The following CPED1 variants were observed in gnomAD, a reference collection of about 807,000 sequenced individuals.
CPED1 encodes cadherin-like and PC-esterase domain-containing protein 1.
A neutral mutation model predicts 128.2 loss-of-function variants in CPED1; 114 were observed. That is an observed-to-expected ratio of 0.89 (90% CI 0.76 to 1.04). The LOEUF is 1.04. Among genes scored for constraint, CPED1 ranks in the 50% least tolerant of loss-of-function variants. The probability of loss-of-function intolerance (pLI) is 0.00; values close to 1 mark genes in which losing one functional copy is unlikely to be tolerated. For missense variants in CPED1, 1,211 were observed against 1,207.1 expected (o/e 1.00, Z -0.05); for synonymous variants, 462 against 426.7 (o/e 1.08, Z -1.02).
At chr7:121,072,918 A>T (rs2192291) in intron 5 of CPED1, among the ~76,000 whole-genome samples, 67,247 of 152,018 alleles carry the variant, frequency 0.44, 15,277 homozygotes, top group East Asian at 0.61. Flanking sequence ...GCTAAGATAG[A>T]TTTACACTAT....
intron 19 of CPED1, 92 bp downstream of exon 19, chr7:121,266,539 A>T (rs1792128202): frequency 1.6e-6 from 2 of 1,243,198 alleles, no homozygotes; most frequent in Non-Finnish European, 2.4e-6. Context: ...CTGTACATCA[A>T]ATGTGCTCAA....
rs548398995 is a variant in CPED1 at position 121,206,094 on chromosome 7, C to T, written c.2056-30620C>T. On this transcript the variant is annotated intron_variant, in intron 16 of 22. Transcript: ENST00000310396. ...TTCTGCCTTGAAATTTAAGTTATGTCAACATTCAAAGAGTTTCAACTGCTA... is the reference window on the plus strand; with the variant it reads ...TTCTGCCTTGAAATTTAAGTTATGTTAACATTCAAAGAGTTTCAACTGCTA... Among the ~76,000 whole-genome samples, 11 of 152,036 alleles carry T rather than the reference C, an allele frequency of 7.2e-5. No individual in the cohort carries two copies. In the South Asian group the frequency reaches 1.5e-3, roughly 20 times the overall value.
chr7:120,996,477 C>T (rs1434096455), intron 2 of CPED1, among the ~76,000 whole-genome samples: 1 of 152,080 alleles, frequency 6.6e-6, no homozygotes, highest in African/African-American at 2.4e-5. Context: ...TTAGTCTCAA[C>T]CAGCTTGCAT....
intron 7 of CPED1, among the ~76,000 whole-genome samples, chr7:121,120,645 A>G (rs1471705459): frequency 6.6e-6 from 1 of 152,164 alleles, no homozygotes; most frequent in Non-Finnish European, 1.5e-5. Flanking sequence ...TAAATCTTTC[A>G]TCCTCCATTC....
At chr7:121,286,121 A>C (rs1185888380) in intron 22 of CPED1, among the ~76,000 whole-genome samples, 1 of 152,180 alleles carries the variant, frequency 6.6e-6, no homozygotes, top group Non-Finnish European at 1.5e-5. Flanking sequence ...GGAGAAGTGC[A>C]TGGTGAAGCA....
intron 22 of CPED1, among the ~76,000 whole-genome samples, chr7:121,272,117 A>G (rs1792244238): frequency 1.3e-5 from 2 of 152,062 alleles, no homozygotes; most frequent in South Asian, 2.1e-4. Flanking sequence ...TATCACATCA[A>G]TACTAAAATT....
rs533613774 is a variant in CPED1 at position 121,051,351 on chromosome 7, AT to A, written c.540+4364del. On this transcript the variant is annotated intron_variant, in intron 4 of 22. Coordinates refer to ENST00000310396, the MANE Select transcript of CPED1 (RefSeq NM_024913.5). ...GAAGGAGGGAATCCCACCTCCTCCCATTTTTTAAATGTAAATGCCTTTTTTT... is the reference window on the plus strand; with the variant it reads ...GAAGGAGGGAATCCCACCTCCTCCCATTTTTAAATGTAAATGCCTTTTTTT... 6.5e-4 allele frequency: 271 copies of A among 418,910 alleles called. 1 individual carries two copies. The highest frequency in any genetic ancestry group is 5.9e-3 in the African/African-American group (248 of 41,732). The allele number at this position is 418,910 out of a possible 1,614,324, so 25.9% of individuals were successfully genotyped here.
intron 3 of CPED1, among the ~76,000 whole-genome samples, chr7:121,029,154 C>A (rs983569219): frequency 6.6e-6 from 1 of 152,038 alleles, no homozygotes; most frequent in Admixed American, 6.6e-5. Context: ...GTAAATAATG[C>A]AATCATAACA....
intron 18 of CPED1, among the ~76,000 whole-genome samples, chr7:121,261,426 T>C (rs1250037298): frequency 6.6e-6 from 1 of 152,054 alleles, no homozygotes; most frequent in Non-Finnish European, 1.5e-5. Flanking sequence ...TGTAAGAGAA[T>C]GTAGTAGAGA....
intron 16 of CPED1, among the ~76,000 whole-genome samples, chr7:121,208,912 A>G (rs1054177480): frequency 1.3e-5 from 2 of 152,030 alleles, no homozygotes; most frequent in East Asian, 3.9e-4. Flanking sequence ...GTGCAGGAAA[A>G]TTGCTATAAA....
At chr7:121,043,910 T>C (rs559219610) in intron 3 of CPED1, among the ~76,000 whole-genome samples, 3 of 152,360 alleles carry the variant, frequency 2.0e-5, no homozygotes, top group Non-Finnish European at 2.9e-5. Context: ...TGCTTTTAGT[T>C]TGCAATCTCT....
chr7:121,258,466 G>C (rs1185211582), intron 18 of CPED1, among the ~76,000 whole-genome samples: 2 of 152,118 alleles, frequency 1.3e-5, no homozygotes, highest in African/African-American at 2.4e-5. Context: ...AGTGGTGTTT[G>C]CAGTGAAAGG....
intron 16 of CPED1, among the ~76,000 whole-genome samples, chr7:121,156,081 A>T (rs1305703360): frequency 6.6e-6 from 1 of 152,244 alleles, no homozygotes; most frequent in African/African-American, 2.4e-5. Context: ...GCCAACAAGG[A>T]TGTGAAAAAA....
intron 18 of CPED1, among the ~76,000 whole-genome samples, chr7:121,260,315 A>G (rs1339954151): frequency 1.4e-5 from 2 of 147,544 alleles, no homozygotes; most frequent in Non-Finnish European, 3.0e-5. Flanking sequence ...GACTGCAAAC[A>G]TCAATTTGGC....
At chr7:121,004,884 C>G (rs1791965347) in intron 2 of CPED1, among the ~76,000 whole-genome samples, 1 of 152,112 alleles carries the variant, frequency 6.6e-6, no homozygotes, top group African/African-American at 2.4e-5. Context: ...AACAAATGGA[C>G]TAATTTCTGG....
At chr7:121,043,429 G>A (rs937735376) in intron 3 of CPED1, among the ~76,000 whole-genome samples, 1 of 152,130 alleles carries the variant, frequency 6.6e-6, no homozygotes, top group African/African-American at 2.4e-5. Context: ...AGATCAAAGG[G>A]TATATTCAAA....
intron 7 of CPED1, among the ~76,000 whole-genome samples, chr7:121,122,521 A>G (rs542655383): frequency 6.6e-6 from 1 of 152,292 alleles, no homozygotes; most frequent in African/African-American, 2.4e-5. Context: ...TTCCTTATGT[A>G]CATTCTGTCA....
At chr7:121,000,921 T>A (rs1178953618) in intron 2 of CPED1, among the ~76,000 whole-genome samples, 2 of 152,106 alleles carry the variant, frequency 1.3e-5, no homozygotes, top group Non-Finnish European at 2.9e-5. Context: ...TGAATAAAAA[T>A]CATATGTTTG....
chr7:121,189,532 A>G (rs1797079222), intron 16 of CPED1, among the ~76,000 whole-genome samples: 1 of 151,860 alleles, frequency 6.6e-6, no homozygotes, highest in African/African-American at 2.4e-5. Flanking sequence ...CCAGGTCACC[A>G]GGTCCCTCCC....
Sources: allele counts gnomAD v4.1 joint callset (sites outside exome capture counted in the v4.1 genomes callset), GRCh38; gene constraint gnomAD v4.1.1; transcripts MANE v1.5; gene names NCBI Gene and HGNC (gene_info 2026-07-23, HGNC 2026-07-21).